The following C5orf22 variants were observed in gnomAD, a reference collection of about 807,000 sequenced individuals.
C5orf22 encodes chromosome 5 open reading frame 22, also known as UPF0489 protein C5orf22.
A neutral mutation model predicts 48.7 loss-of-function variants in C5orf22; 36 were observed. That is an observed-to-expected ratio of 0.74 (90% CI 0.57 to 0.98). C5orf22 has a LOEUF of 0.98. Ranked by LOEUF, C5orf22 falls within the 50% of genes least tolerant of loss-of-function variation. The pLI is 0.00. For synonymous variants in C5orf22, 141 were observed against 180.8 expected, an observed-to-expected ratio of 0.78 and a Z score of 1.76; for missense variants, 486 against 521.9, an observed-to-expected ratio of 0.93 and a Z score of 0.67.
At chr5:31,536,504 C>G (rs980859575) in intron 3 of C5orf22, among the ~76,000 whole-genome samples, 2 of 152,214 alleles carry the variant, frequency 1.3e-5, no homozygotes, top group East Asian at 1.9e-4. Flanking sequence ...GCCTGGGCAA[C>G]AGAGTGAGAC....
chr5:31,536,934 A>T (rs6874661), intron 3 of C5orf22, among the ~76,000 whole-genome samples: 7,616 of 152,310 alleles, frequency 0.05, 443 homozygotes, highest in African/African-American at 0.14. Context: ...CTCATTGAAA[A>T]TGATACTTTA....
chr5:31,534,171 T>G, intron 1 of C5orf22, 101 bp from the exon 2 acceptor site: 1 of 1,030,122 alleles, frequency 9.7e-7, no homozygotes, highest in Non-Finnish European at 1.4e-6. Flanking sequence ...ATAGTATGCT[T>G]TCAATTATGT....
intron 7 of C5orf22, among the ~76,000 whole-genome samples, chr5:31,548,245 G>A (rs188857405): frequency 6.6e-6 from 1 of 151,902 alleles, no homozygotes; most frequent in East Asian, 1.9e-4. Flanking sequence ...AGGCTGCAGT[G>A]AGCCGAGATG....
intron 7 of C5orf22, among the ~76,000 whole-genome samples, chr5:31,550,591 G>C (rs189599474): frequency 3.0e-4 from 46 of 152,084 alleles, no homozygotes; most frequent in African/African-American, 1.1e-3. Flanking sequence ...TTGAGACGGA[G>C]TTTCGCTCTT....
At chr5:31,541,146 G>A in intron 5 of C5orf22, 135 bp downstream of exon 5, 1 of 914,904 alleles carries the variant, frequency 1.1e-6, no homozygotes. Flanking sequence ...GTGTGTGTGT[G>A]TGTATTGGCG....
intron 4 of C5orf22, among the ~76,000 whole-genome samples, chr5:31,539,457 A>G (rs1742317603): frequency 2.0e-5 from 3 of 152,230 alleles, no homozygotes; most frequent in African/African-American, 7.2e-5. Flanking sequence ...TATTCTATAT[A>G]TAAATCCTGT....
At chr5:31,545,237 T>C (rs1742784563) in intron 6 of C5orf22, among the ~76,000 whole-genome samples, 1 of 152,058 alleles carries the variant, frequency 6.6e-6, no homozygotes, top group Admixed American at 6.6e-5. Flanking sequence ...TTTGTATTTT[T>C]AGTCGAGACA....
rs1215529864 is a variant in C5orf22 at position 31,532,380 on chromosome 5, C to G, written c.-13C>G. The G allele has an allele frequency of 6.2e-7, 1 of 1,613,860 alleles. No homozygotes were observed. ...TGCCACCGCTTTACTGCAAAACTGACGGGCGCAAAAACATGAGTGACTCCG... is the reference window on the plus strand; with the variant it reads ...TGCCACCGCTTTACTGCAAAACTGAGGGGCGCAAAAACATGAGTGACTCCG... On this transcript the variant is annotated 5_prime_UTR_variant, in exon 1 of 9. Transcript: ENST00000325366.
chr5:31,534,425 G>A lies in C5orf22; in HGVS notation c.227+8G>A. 6.3e-7 allele frequency: 1 copy of A among 1,598,784 alleles called. No individual in the cohort carries two copies. On this transcript the variant is annotated splice_region_variant and intron_variant, in intron 2 of 8. Coordinates refer to ENST00000325366, the MANE Select transcript of C5orf22 (RefSeq NM_018356.3). ...TAAGGAAACACTCTTTGGGTAATAT[G>A]TGATTTTATTTATGGTCTTTTGTGT...
intron 4 of C5orf22, among the ~76,000 whole-genome samples, chr5:31,539,123 A>G (rs535742144): frequency 2.0e-5 from 3 of 152,232 alleles, no homozygotes; most frequent in Non-Finnish European, 4.4e-5. Flanking sequence ...ATACAAGAGT[A>G]AAAAATAATA....
intron 4 of C5orf22, among the ~76,000 whole-genome samples, chr5:31,540,080 A>T (rs1742358602): frequency 6.6e-6 from 1 of 152,100 alleles, no homozygotes; most frequent in South Asian, 2.1e-4. Flanking sequence ...AAGTTAGGGG[A>T]GTTAAGTTCT....
In C5orf22 at chr5:31,538,540, T is replaced by C; in HGVS notation, c.658T>C (p.Cys220Arg). ...TGACCAGACTTGCCTAGAACCATCATGTTCATGTTCTTCTGAAAATCAGGA... is the reference window on the plus strand; with the variant it reads ...TGACCAGACTTGCCTAGAACCATCACGTTCATGTTCTTCTGAAAATCAGGA... ...RSDQTCLEPS[C>R]SCSSENQECQ... is the part of the protein sequence containing the mutation. Residue 220 changes from cysteine to arginine, a missense_variant, in exon 4 of 9, where the codon TGT becomes CGT. Around this residue, in one of 3 missense-constraint regions of C5orf22, gnomAD observed 408 missense variants for 444.0 expected, o/e 0.92. Coordinates refer to ENST00000325366, the MANE Select transcript of C5orf22 (RefSeq NM_018356.3). The C allele has an allele frequency of 1.2e-6, 2 of 1,614,130 alleles. No individual in the cohort carries two copies. Among genetic ancestry groups the C allele is most frequent in the Non-Finnish European group, 1.7e-6 (2 of 1,180,008 alleles).
intron 5 of C5orf22, 134 bp from the exon 6 acceptor site, chr5:31,541,146 GT>G: frequency 4.4e-6 from 4 of 914,914 alleles, no homozygotes; most frequent in Non-Finnish European, 5.0e-6. Flanking sequence ...GTGTGTGTGT[GT>G]GTATTGGCGA....
intron 8 of C5orf22, among the ~76,000 whole-genome samples, chr5:31,551,662 A>G (rs534679446): frequency 2.0e-5 from 3 of 152,304 alleles, no homozygotes; most frequent in South Asian, 2.1e-4. Flanking sequence ...CGAAAATTCT[A>G]CACTTCGGGC....
intron 6 of C5orf22, among the ~76,000 whole-genome samples, chr5:31,542,408 C>T (rs1360151814): frequency 2.8e-5 from 4 of 144,378 alleles, no homozygotes; most frequent in East Asian, 2.1e-4. Flanking sequence ...TGCAGTGAGC[C>T]GAGATTGCAT....
At position 31,554,112 on chromosome 5, in the gene C5orf22, A is replaced by C. The variant is rs1210648100; in HGVS notation, c.*1210A>C. On this transcript the variant is annotated 3_prime_UTR_variant, in exon 9 of 9. Transcript: ENST00000325366. ...TCAATTGGCCAGTCTTCTGATCTTT[A>C]GTATCTCTTTAGTTCAGTAATTTTT... The C allele has an allele frequency of 6.6e-6, 1 of 152,156 alleles. No homozygotes were observed. Among genetic ancestry groups the C allele is most frequent in the Non-Finnish European group, 1.5e-5 (1 of 68,018 alleles). 9.4% of individuals were successfully genotyped at this position (152,156 alleles called of 1,614,324 possible). A position where few individuals can be genotyped will look rare whatever the true frequency, so the allele number is the denominator to read the frequency against.
At chr5:31,547,575 G>A (rs1477105044) in intron 7 of C5orf22, among the ~76,000 whole-genome samples, 8 of 152,242 alleles carry the variant, frequency 5.3e-5, no homozygotes, top group African/African-American at 1.9e-4. Flanking sequence ...CTGGGCAGAG[G>A]TTCCCAAACC....
At chr5:31,543,067 G>T (rs760687219) in intron 6 of C5orf22, among the ~76,000 whole-genome samples, 4 of 152,276 alleles carry the variant, frequency 2.6e-5, no homozygotes, top group Non-Finnish European at 4.4e-5. Flanking sequence ...AAATGATGAA[G>T]TATATGAGTG....
chr5:31,539,782 C>T (rs1045771134), intron 4 of C5orf22, among the ~76,000 whole-genome samples: 11 of 151,416 alleles, frequency 7.3e-5, no homozygotes, highest in African/African-American at 2.7e-4. Flanking sequence ...GTGGCTCATG[C>T]GTATAATCCC....
Sources: allele counts gnomAD v4.1 joint callset (sites outside exome capture counted in the v4.1 genomes callset), GRCh38; gene constraint gnomAD v4.1.1; regional missense constraint gnomAD v4.1.1; transcripts MANE v1.5; gene names NCBI Gene and HGNC (gene_info 2026-07-23, HGNC 2026-07-21).